Variants in LINC01488 observed in about 807,000 individuals in gnomAD.
LINC01488 encodes CCND1-upstream intergenic DNA repair 1.
At chr11:69,487,859 C>T (rs1214323083) in intron 1 of LINC01488, 2 of 152,370 alleles carry the variant, frequency 1.3e-5, no homozygotes, top group Non-Finnish European at 2.9e-5. Context: ...CAGTGATAGC[C>T]TGGTAACCGG....
chr11:69,482,704 T>C (rs1857060196), intron 1 of LINC01488, among the ~76,000 whole-genome samples: 1 of 152,206 alleles, frequency 6.6e-6, no homozygotes, highest in Non-Finnish European at 1.5e-5. Flanking sequence ...GATTGATTTA[T>C]ATAGTTTGTC....
At chr11:69,487,421 A>G (rs1857142611) in intron 1 of LINC01488, among the ~76,000 whole-genome samples, 1 of 152,102 alleles carries the variant, frequency 6.6e-6, no homozygotes, top group African/African-American at 2.4e-5. Context: ...TCTGTGGCCC[A>G]TTTTCTCATC....
At chr11:69,491,020 T>C (rs903060628) in intron 2 of LINC01488, 3 of 152,212 alleles carry the variant, frequency 2.0e-5, no homozygotes, top group African/African-American at 7.2e-5. Context: ...TATCCACTTT[T>C]TCTGAGGGCC....
intron 1 of LINC01488, among the ~76,000 whole-genome samples, chr11:69,482,095 T>C (rs938909242): frequency 6.6e-6 from 1 of 151,956 alleles, no homozygotes; most frequent in African/African-American, 2.4e-5. Context: ...GCATAATTTA[T>C]GAAGGAAAGA....
At chr11:69,482,878 G>T (rs148334029) in intron 1 of LINC01488, among the ~76,000 whole-genome samples, 1 of 152,110 alleles carries the variant, frequency 6.6e-6, no homozygotes, top group Non-Finnish European at 1.5e-5. Flanking sequence ...TCACAGGGTT[G>T]TTCCTCTATG....
intron 1 of LINC01488, among the ~76,000 whole-genome samples, chr11:69,489,571 T>C (rs568062122): frequency 6.6e-6 from 1 of 152,356 alleles, no homozygotes; most frequent in Admixed American, 6.5e-5. Flanking sequence ...TTGTTAAGAA[T>C]AGCCTGGGGC....
chr11:69,482,383 C>G (rs948870027), intron 1 of LINC01488, among the ~76,000 whole-genome samples: 2 of 146,784 alleles, frequency 1.4e-5, no homozygotes, highest in African/African-American at 5.0e-5. Flanking sequence ...GGGACACAAC[C>G]AAACAATATC....
In LINC01488 at chr11:69,492,814, A is replaced by T. The variant is rs1857244605; in HGVS notation, n.1290A>T. 4 of 152,338 alleles carry T rather than the reference A, an allele frequency of 2.6e-5. No individual in the cohort carries two copies. In the South Asian group the frequency reaches 8.3e-4, roughly 32 times the overall value. The allele number at this position is 152,338 out of a possible 1,614,324, so 9.4% of individuals were successfully genotyped here. A position where few individuals can be genotyped will look rare whatever the true frequency, so the allele number is the denominator to read the frequency against. The stretch of plus-strand genomic sequence containing the variant: ...CTGAGCTCACACTGAAGCCTCCTGG[A>T]ATGCTGTGGGTTGTGAGCTGGGATG... On this transcript the variant is annotated non_coding_transcript_exon_variant, in exon 4 of 4. Coordinates refer to ENST00000644563, the Ensembl canonical transcript of LINC01488.
intron 1 of LINC01488, among the ~76,000 whole-genome samples, chr11:69,489,503 G>T (rs1456159945): frequency 3.3e-5 from 5 of 152,236 alleles, no homozygotes; most frequent in Non-Finnish European, 7.3e-5. Flanking sequence ...ATAGCCAGCA[G>T]CAGCTTTCCC....
chr11:69,488,691 A>G (rs908423866), intron 1 of LINC01488, among the ~76,000 whole-genome samples: 1 of 152,214 alleles, frequency 6.6e-6, no homozygotes. Context: ...CACACAGCTC[A>G]TGGGTGCAGA....
chr11:69,481,838 G>A (rs1361503672), intron 1 of LINC01488: 1 of 151,630 alleles, frequency 6.6e-6, no homozygotes, highest in Non-Finnish European at 1.5e-5. Context: ...GAGGGAGGTG[G>A]GTGAATGGAT....
exon 4 of LINC01488, chr11:69,492,347 G>C (rs1188919583): frequency 6.6e-6 from 1 of 152,296 alleles, no homozygotes; most frequent in Non-Finnish European, 1.5e-5. Context: ...ACCCTTGACA[G>C]TGAGACCTCC....
intron 1 of LINC01488, chr11:69,485,721 A>G (rs1230163878): frequency 6.6e-6 from 1 of 152,284 alleles, no homozygotes; most frequent in Non-Finnish European, 1.5e-5. Context: ...ATTTGAGGTC[A>G]GGAGGCAAGT....
chr11:69,489,542 C>T (rs1464600708), intron 1 of LINC01488, among the ~76,000 whole-genome samples: 2 of 152,226 alleles, frequency 1.3e-5, no homozygotes, highest in Non-Finnish European at 2.9e-5. Flanking sequence ...ATTTTTAGCC[C>T]TGGAGCCGGA....
chr11:69,482,217 A>G (rs1857054356), intron 1 of LINC01488, among the ~76,000 whole-genome samples: 1 of 152,254 alleles, frequency 6.6e-6, no homozygotes, highest in South Asian at 2.1e-4. Context: ...GAGCATGTGC[A>G]GGGGAACTCC....
rs948370454 is a variant in LINC01488, at chr11:69,487,206, G to A, written n.123-3289G>A. On this transcript the variant is annotated intron_variant and non_coding_transcript_variant, in intron 1 of 3. Coordinates refer to ENST00000644563, the Ensembl canonical transcript of LINC01488. Reference sequence around the variant, plus strand: ...GGCTTGGGTGCGGTGCTTGGAGCTGGCACAGAAGAGAGTAGCGGGAGGGAG... The same window carrying A: ...GGCTTGGGTGCGGTGCTTGGAGCTGACACAGAAGAGAGTAGCGGGAGGGAG... Among the ~76,000 whole-genome samples, 6 of 152,308 alleles carry A rather than the reference G, an allele frequency of 3.9e-5. No homozygotes were observed. The South Asian group carries it at 1.2e-3, about 32-fold the overall frequency.
chr11:69,486,862 T>C (rs1565192708), intron 1 of LINC01488, among the ~76,000 whole-genome samples: 1 of 152,196 alleles, frequency 6.6e-6, no homozygotes, highest in Non-Finnish European at 1.5e-5. Context: ...CCTGCCCCAC[T>C]GTCCCCGAAC....
At chr11:69,482,382 C>G (rs536090230) in intron 1 of LINC01488, among the ~76,000 whole-genome samples, 1 of 146,676 alleles carries the variant, frequency 6.8e-6, no homozygotes, top group South Asian at 2.2e-4. Flanking sequence ...GGGGACACAA[C>G]CAAACAATAT....
chr11:69,487,005 C>A (rs1222542104), intron 1 of LINC01488, among the ~76,000 whole-genome samples: 2 of 152,234 alleles, frequency 1.3e-5, no homozygotes, highest in Non-Finnish European at 2.9e-5. Context: ...GGTCCTGGCC[C>A]CTCCTACTCT....
Sources: allele counts gnomAD v4.1 joint callset (sites outside exome capture counted in the v4.1 genomes callset), GRCh38; gene constraint gnomAD v4.1.1; transcripts MANE v1.5; gene names NCBI Gene and HGNC (gene_info 2026-07-23, HGNC 2026-07-21).